Variants in GAL3ST1 observed in about 807,000 individuals in gnomAD.
GAL3ST1 encodes the protein galactose-3-O-sulfotransferase 1, also known as galactosylceramide sulfotransferase.
In GAL3ST1, 13 loss-of-function variants were observed where a neutral mutation model predicts 25.0. That is an observed-to-expected ratio of 0.52 (90% CI 0.34 to 0.83). The LOEUF is 0.83. GAL3ST1 is among the 40% of genes least tolerant of loss of function. The probability of loss-of-function intolerance (pLI) is 0.02; values close to 1 mark genes in which losing one functional copy is unlikely to be tolerated. For synonymous variants in GAL3ST1, 274 were observed against 277.8 expected (o/e 0.99, Z 0.14); for missense variants, 474 against 613.6 (o/e 0.77, Z 2.40).
At position 30,554,801 on chromosome 22, in the gene GAL3ST1, C is replaced by T; in HGVS notation, c.*152G>A. On this transcript the variant is annotated 3_prime_UTR_variant, in exon 4 of 4. Coordinates refer to ENST00000406361, the MANE Select transcript of GAL3ST1 (RefSeq NM_001318104.2). ...CCCTCTCTGTGTTCATGGGCCCAGT[C>T]TTGGCTGGCTGCCTCCCCCCAGGGA... is the stretch of plus-strand genomic sequence containing the variant. The T allele has an allele frequency of 1.7e-6, 1 of 580,410 alleles. No individual in the cohort carries two copies. The highest frequency in any genetic ancestry group is 2.4e-5 in the South Asian group (1 of 42,130). 36.0% of individuals were successfully genotyped at this position (580,410 alleles called of 1,614,324 possible). A position where few individuals can be genotyped will look rare whatever the true frequency, so the allele number is the denominator to read the frequency against.
intron 1 of GAL3ST1, among the ~76,000 whole-genome samples, chr22:30,564,542 C>T (rs1256588465): frequency 6.6e-6 from 1 of 152,204 alleles, no homozygotes; most frequent in Non-Finnish European, 1.5e-5. Context: ...CCGTCACCAG[C>T]CCACTCCATC....
At chr22:30,573,915 G>A (rs867631131) in intron 1 of GAL3ST1, among the ~76,000 whole-genome samples, 10 of 152,284 alleles carry the variant, frequency 6.6e-5, no homozygotes, top group Middle Eastern at 6.8e-3. Context: ...CCTCCTGGAT[G>A]CCAGGGTTTG....
intron 1 of GAL3ST1, among the ~76,000 whole-genome samples, chr22:30,561,908 G>A (rs968961391): frequency 2.6e-5 from 4 of 152,168 alleles, no homozygotes; most frequent in Non-Finnish European, 4.4e-5. Flanking sequence ...GTCTCCTCGT[G>A]TGTGCAATGG....
Position 30,555,621 on chromosome 22 carries a change from G to T in GAL3ST1, c.604C>A (p.Arg202Ser), listed in dbSNP as rs764727999. Residue 202 changes from arginine to serine, a missense_variant, in exon 4 of 4, where the codon CGC becomes AGC. Arg to Ser is a moderately radical substitution (Grantham distance 110, BLOSUM62 -1). Coordinates refer to ENST00000406361, the MANE Select transcript of GAL3ST1 (RefSeq NM_001318104.2). The surrounding 1 kb of genome is among the most constrained non-coding windows in gnomAD (Gnocchi z 8.6). ...KLTEFLQDPD[R>S]YYDPNGFNAH... is the part of the protein sequence containing the mutation. ...TTGAAGCCGTTGGGGTCGTAGTAGC[G>T]ATCCGGGTCTTGCAGGAACTCGGTC... is the stretch of plus-strand genomic sequence containing the variant. 1 of 1,613,636 alleles carries T rather than the reference G, an allele frequency of 6.2e-7. No homozygotes were observed. The highest frequency in any genetic ancestry group is 1.7e-5 in the Admixed American group (1 of 60,038).
intron 1 of GAL3ST1, chr22:30,560,452 G>C (rs1018573640): frequency 2.0e-5 from 3 of 152,266 alleles, no homozygotes; most frequent in Admixed American, 1.3e-4. Flanking sequence ...TCATCACTTA[G>C]AGTGTTATCT....
chr22:30,572,334 T>G (rs1241115697), intron 1 of GAL3ST1, among the ~76,000 whole-genome samples: 7 of 152,196 alleles, frequency 4.6e-5, no homozygotes, highest in Non-Finnish European at 8.8e-5. Context: ...CGGAGATACA[T>G]ACACCCACCT....
chr22:30,569,786 C>G (rs2086727770), intron 1 of GAL3ST1, among the ~76,000 whole-genome samples: 1 of 152,192 alleles, frequency 6.6e-6, no homozygotes, highest in Non-Finnish European at 1.5e-5. Flanking sequence ...CACCGCTATT[C>G]CCCCATAAAC....
intron 1 of GAL3ST1, among the ~76,000 whole-genome samples, chr22:30,561,055 C>T (rs2086381777): frequency 6.6e-6 from 1 of 152,174 alleles, no homozygotes; most frequent in Non-Finnish European, 1.5e-5. Flanking sequence ...AGTGATTCTC[C>T]TGCCTCAGCC....
At chr22:30,567,950 T>C (rs2086673022) in intron 1 of GAL3ST1, among the ~76,000 whole-genome samples, 1 of 152,340 alleles carries the variant, frequency 6.6e-6, no homozygotes, top group Admixed American at 6.5e-5. Context: ...CCCAAAGTGC[T>C]GGGATTACAG....
chr22:30,555,978 T>C lies in GAL3ST1; in HGVS notation c.247A>G (p.Thr83Ala). Residue 83 changes from threonine to alanine, a missense_variant, in exon 4 of 4, where the codon ACG becomes GCG. Physicochemically the swap from Thr to Ala is moderately conservative, Grantham distance 58. This residue lies in a region of GAL3ST1 where 359 missense variants were observed against 504.4 expected (regional missense o/e 0.71). Transcript: ENST00000406361. This position sits in a 1 kb window ranked among gnomAD's most constrained non-coding sequence, Gnocchi z 8.6. ...AGGGTGCTGCTGGCCGTCTTGTGCGTCTTCAAGAACACGATGTTGCGCCGC... is the reference window on the plus strand; with the variant it reads ...AGGGTGCTGCTGGCCGTCTTGTGCGCCTTCAAGAACACGATGTTGCGCCGC... ...QPRRNIVFLKTHKTASSTLLN... is the reference protein window; with the variant it reads ...QPRRNIVFLKAHKTASSTLLN... 1 of 1,613,740 alleles carries C rather than the reference T, an allele frequency of 6.2e-7. No homozygotes were observed.
At chr22:30,557,471 G>A in intron 2 of GAL3ST1, 70 bp from the exon 3 acceptor site, 4 of 1,574,496 alleles carry the variant, frequency 2.5e-6, no homozygotes, top group South Asian at 1.1e-5. Context: ...GGCTGCCCAG[G>A]CCTGGCAGTT....
At chr22:30,572,167 C>T (rs772614541) in intron 1 of GAL3ST1, among the ~76,000 whole-genome samples, 1 of 152,178 alleles carries the variant, frequency 6.6e-6, no homozygotes, top group Non-Finnish European at 1.5e-5. Context: ...ATGCTGAGAA[C>T]CCCAGAGCTG....
chr22:30,560,820 C>T (rs2086363805), intron 1 of GAL3ST1: 1 of 152,414 alleles, frequency 6.6e-6, no homozygotes, highest in African/African-American at 2.4e-5. Context: ...GCAGACCAGC[C>T]TCCCTGCCCC....
At position 30,568,813 on chromosome 22, in the gene GAL3ST1, C is replaced by T. The variant is rs185979206; in HGVS notation, c.-120+5653G>A. Among the ~76,000 whole-genome samples the T allele has an allele frequency of 2.2e-3, 329 of 152,196 alleles. 1 individual carries two copies. Among genetic ancestry groups the T allele is most frequent in the African/African-American group, 7.4e-3 (308 of 41,520 alleles). ...TGCAGAGGCCTGGCGCAGTGGCTCA[C>T]GCCTGTAATACCAGCACTTTGGGAG... is the stretch of plus-strand genomic sequence containing the variant. On this transcript the variant is annotated intron_variant, in intron 1 of 3. Transcript: ENST00000406361.
chr22:30,568,125 G>A (rs914678972), intron 1 of GAL3ST1, among the ~76,000 whole-genome samples: 4 of 152,244 alleles, frequency 2.6e-5, no homozygotes, highest in Non-Finnish European at 4.4e-5. Context: ...GCTGTGAGGC[G>A]TGTGATGGAC....
intron 1 of GAL3ST1, among the ~76,000 whole-genome samples, chr22:30,573,947 C>T (rs2086841423): frequency 6.6e-6 from 1 of 152,180 alleles, no homozygotes. Flanking sequence ...CAAACCTCTC[C>T]TTGGTGGCTT....
At chr22:30,571,513 T>G (rs1339962663) in intron 1 of GAL3ST1, among the ~76,000 whole-genome samples, 1 of 152,204 alleles carries the variant, frequency 6.6e-6, no homozygotes, top group Admixed American at 6.5e-5. Flanking sequence ...GTAATGTTCT[T>G]TGATGATTCA....
intron 1 of GAL3ST1, among the ~76,000 whole-genome samples, chr22:30,569,324 G>C (rs896465251): frequency 5.9e-5 from 9 of 152,138 alleles, no homozygotes; most frequent in Non-Finnish European, 1.0e-4. Context: ...GAACAAGAAG[G>C]CTGGGGAAGT....
At chr22:30,573,747 A>T (rs1004960859) in intron 1 of GAL3ST1, among the ~76,000 whole-genome samples, 2 of 152,184 alleles carry the variant, frequency 1.3e-5, no homozygotes, top group Non-Finnish European at 2.9e-5. Flanking sequence ...GGCTCTGGGC[A>T]GCTGGGCGGG....
Sources: gnomAD v4.1 joint callset for allele counts (sites outside exome capture counted in the v4.1 genomes callset) on GRCh38, gnomAD v4.1.1 for gene constraint, gnomAD v4.1.1 regional missense constraint, Gnocchi (gnomAD v3.1) non-coding constraint, MANE v1.5 for transcripts, NCBI Gene and HGNC (gene_info 2026-07-23, HGNC 2026-07-21) for gene names.